CSRNP2: variants seen among roughly 807,000 people sequenced by gnomAD.
CSRNP2 encodes cysteine and serine rich nuclear protein 2.
CSRNP2 carries 11 observed loss-of-function variants against 36.6 expected under a neutral mutation model. That is an observed-to-expected ratio of 0.30 (90% confidence interval 0.19 to 0.50). The LOEUF is 0.50. CSRNP2 is among the 20% of genes least tolerant of loss of function. CSRNP2 has a pLI of 0.98. For missense variants in CSRNP2, 483 were observed against 691.4 expected, an observed-to-expected ratio of 0.70 and a Z score of 3.38; for synonymous variants, 248 against 275.3, an observed-to-expected ratio of 0.90 and a Z score of 0.98.
chr12:51,079,395 C>T (rs1301548372), intron 1 of CSRNP2, among the ~76,000 whole-genome samples: 1 of 151,594 alleles, frequency 6.6e-6, no homozygotes, highest in East Asian at 1.9e-4. Flanking sequence ...AAACAAATTT[C>T]TCATTCCATT....
chr12:51,066,787 AC>A (rs1294359851), intron 4 of CSRNP2, among the ~76,000 whole-genome samples: 1 of 152,170 alleles, frequency 6.6e-6, no homozygotes, highest in Non-Finnish European at 1.5e-5. Flanking sequence ...GAGGTACTGA[AC>A]AATAAGTGTT....
At chr12:51,070,489 A>C (rs946421492) in intron 3 of CSRNP2, among the ~76,000 whole-genome samples, 1 of 152,128 alleles carries the variant, frequency 6.6e-6, no homozygotes, top group Non-Finnish European at 1.5e-5. Flanking sequence ...AAGGGATTAG[A>C]GATGTAACAC....
chr12:51,073,226 AACATACATACAT>A (rs112779685), intron 3 of CSRNP2, among the ~76,000 whole-genome samples: 8 of 150,892 alleles, frequency 5.3e-5, no homozygotes, highest in South Asian at 2.1e-4. Flanking sequence ...CTCAAAAGAA[AACATACATACAT>A]ACATACATAC....
rs1211937266 is a variant in CSRNP2, at chr12:51,061,996, C to T, written c.*1750G>A. 2 of 152,146 alleles carry T rather than the reference C, an allele frequency of 1.3e-5. No homozygotes were observed. The highest frequency in any genetic ancestry group is 4.8e-5 in the African/African-American group (2 of 41,412). The allele number at this position is 152,146 out of a possible 1,614,324, so 9.4% of individuals were successfully genotyped here. On this transcript the variant is annotated 3_prime_UTR_variant, in exon 5 of 5. Coordinates refer to ENST00000228515, the MANE Select transcript of CSRNP2 (RefSeq NM_030809.3). ...AGACTCTCAACTGTGTTTTGTGAGGCTAGGGGATGGGGAGAGATAAGGATC... is the reference window on the plus strand; with the variant it reads ...AGACTCTCAACTGTGTTTTGTGAGGTTAGGGGATGGGGAGAGATAAGGATC...
At chr12:51,076,703 G>A in intron 1 of CSRNP2, 56 bp from the exon 2 acceptor site, 1 of 811,286 alleles carries the variant, frequency 1.2e-6, no homozygotes. Context: ...CTCCTCCCCA[G>A]TCTATACACA....
intron 1 of CSRNP2, among the ~76,000 whole-genome samples, chr12:51,080,601 G>A (rs1317022071): frequency 6.6e-6 from 1 of 152,214 alleles, no homozygotes; most frequent in Non-Finnish European, 1.5e-5. Flanking sequence ...ATGGCTATGT[G>A]TGTAAATAAC....
At chr12:51,079,406 C>T (rs1350576554) in intron 1 of CSRNP2, among the ~76,000 whole-genome samples, 1 of 151,212 alleles carries the variant, frequency 6.6e-6, no homozygotes, top group Non-Finnish European at 1.5e-5. Context: ...TCATTCCATT[C>T]TATTGTAGCG....
chr12:51,066,228 G>C (rs995676738), intron 4 of CSRNP2, among the ~76,000 whole-genome samples: 2 of 152,168 alleles, frequency 1.3e-5, no homozygotes, highest in Non-Finnish European at 2.9e-5. Flanking sequence ...GCTGAGGCAG[G>C]CGGATCACGA....
At chr12:51,065,335 G>C (rs12321533) in intron 4 of CSRNP2, among the ~76,000 whole-genome samples, 2 of 152,112 alleles carry the variant, frequency 1.3e-5, no homozygotes, top group African/African-American at 4.8e-5. Context: ...ATCTGGAAAG[G>C]AGATGCTTTC....
Position 51,067,877 on chromosome 12 carries a change from C to T in CSRNP2, c.504G>A (p.Glu168=), listed in dbSNP as rs1490430807. Residue 168 remains glutamate (E), a synonymous_variant, in exon 4 of 5, where the codon GAG becomes GAA. Coordinates refer to ENST00000228515, the MANE Select transcript of CSRNP2 (RefSeq NM_030809.3). The surrounding 1 kb of genome is among the most constrained non-coding windows in gnomAD (Gnocchi z 4.1). ...GCTGCAGGAAGAAGTAATCATCCAC[C>T]TCCACATTTTCCACATCAATATCTT... The part of the protein sequence containing the change: ...SDEDIDVENV[E]VDDYFFLQPL... The T allele has an allele frequency of 1.5e-5, 25 of 1,614,222 alleles. No individual in the cohort carries two copies. The highest frequency in any genetic ancestry group is 2.0e-5 in the Non-Finnish European group (24 of 1,180,038).
At chr12:51,080,086 A>G (rs1939572327) in intron 1 of CSRNP2, among the ~76,000 whole-genome samples, 1 of 148,278 alleles carries the variant, frequency 6.7e-6, no homozygotes, top group African/African-American at 2.5e-5. Flanking sequence ...AAAAAAAAAA[A>G]AAAAAAAAAA....
At chr12:51,079,590 C>T (rs1377790893) in intron 1 of CSRNP2, among the ~76,000 whole-genome samples, 1 of 132,122 alleles carries the variant, frequency 7.6e-6, no homozygotes, top group Non-Finnish European at 1.6e-5. Flanking sequence ...GGAGAAACCC[C>T]ATCTCCACTA....
intron 4 of CSRNP2, among the ~76,000 whole-genome samples, chr12:51,065,487 CCA>C (rs1262914038): frequency 6.6e-6 from 1 of 152,198 alleles, no homozygotes; most frequent in Non-Finnish European, 1.5e-5. Context: ...AATCTCCACT[CCA>C]GTTATACCAT....
At chr12:51,070,500 G>A (rs754029217) in intron 3 of CSRNP2, among the ~76,000 whole-genome samples, 2 of 152,044 alleles carry the variant, frequency 1.3e-5, no homozygotes, top group African/African-American at 2.4e-5. Flanking sequence ...GATGTAACAC[G>A]AGGACACTCA....
Position 51,067,606 on chromosome 12 carries a change from G to C in CSRNP2, c.708+67C>G. The C allele has an allele frequency of 1.3e-6, 2 of 1,503,928 alleles. No homozygotes were observed. The highest frequency in any genetic ancestry group is 2.3e-5 in the East Asian group (1 of 44,182). The allele number at this position is 1,503,928 out of a possible 1,614,324, so 93.2% of individuals were successfully genotyped here. On this transcript the variant is annotated intron_variant, in intron 4 of 4. Coordinates refer to ENST00000228515, the MANE Select transcript of CSRNP2 (RefSeq NM_030809.3). The surrounding 1 kb of genome is among the most constrained non-coding windows in gnomAD (Gnocchi z 4.1). ...CCCCTGAATGGGCCTCCCATGTTCA[G>C]TGGCACCCACACCTCACCCCGCTGA...
intron 2 of CSRNP2, 128 bp from the exon 3 acceptor site, chr12:51,074,210 C>A: frequency 9.5e-7 from 1 of 1,052,044 alleles, no homozygotes; most frequent in Non-Finnish European, 1.3e-6. Flanking sequence ...CTCCACCTCC[C>A]GGGTTCAAGC....
chr12:51,064,679 G>A lies in CSRNP2; in HGVS notation c.709-10C>T. On this transcript the variant is annotated splice_polypyrimidine_tract_variant and intron_variant, in intron 4 of 4. Coordinates refer to ENST00000228515, the MANE Select transcript of CSRNP2 (RefSeq NM_030809.3). Reference sequence around the variant, plus strand: ...AGGACATGCGATCCACCTGAGCGGGGACAAGAAGGTTGGGGCAAGATGAGA... The same window carrying A: ...AGGACATGCGATCCACCTGAGCGGGAACAAGAAGGTTGGGGCAAGATGAGA... The A allele has an allele frequency of 1.3e-6, 2 of 1,503,602 alleles. No individual in the cohort carries two copies. Among genetic ancestry groups the A allele is most frequent in the Non-Finnish European group, 1.8e-6 (2 of 1,124,912 alleles). The allele number at this position is 1,503,602 out of a possible 1,614,324, so 93.1% of individuals were successfully genotyped here.
Position 51,063,559 on chromosome 12 carries a change from G to A in CSRNP2, c.*187C>T. 2.1e-6 allele frequency: 1 copy of A among 481,914 alleles called. No individual in the cohort carries two copies. The highest frequency in any genetic ancestry group is 3.6e-6 in the Non-Finnish European group (1 of 277,362). 29.9% of individuals were successfully genotyped at this position (481,914 alleles called of 1,614,324 possible). On this transcript the variant is annotated 3_prime_UTR_variant, in exon 5 of 5. Transcript: ENST00000228515. Reference sequence around the variant, plus strand: ...AAGACTATCCCCAGATCAAGGTAGGGCTGGTCTCCTTGGTACTGTTTCCCT... The same window carrying A: ...AAGACTATCCCCAGATCAAGGTAGGACTGGTCTCCTTGGTACTGTTTCCCT...
chr12:51,066,183 G>A (rs1006530921), intron 4 of CSRNP2, among the ~76,000 whole-genome samples: 2 of 152,088 alleles, frequency 1.3e-5, no homozygotes, highest in African/African-American at 2.4e-5. Flanking sequence ...GGCCAGGTGC[G>A]GTGGCTCACG....
Sources: allele counts gnomAD v4.1 joint callset (sites outside exome capture counted in the v4.1 genomes callset), GRCh38; gene constraint gnomAD v4.1.1; non-coding constraint Gnocchi (gnomAD v3.1); transcripts MANE v1.5; gene names NCBI Gene and HGNC (gene_info 2026-07-23, HGNC 2026-07-21).